RHOJ: variants seen among roughly 807,000 people sequenced by gnomAD.
RHOJ encodes the protein rho-related GTP-binding protein RhoJ.
Under a neutral mutation model 23.4 loss-of-function variants are expected in RHOJ, and 11 were observed. The ratio of observed to expected loss-of-function variants is 0.47; its 90% confidence interval spans 0.30 to 0.78. The LOEUF is 0.78. Ranked by LOEUF, RHOJ falls within the 30% of genes least tolerant of loss-of-function variation. The pLI is 0.08. For missense variants in RHOJ, 254 were observed against 273.4 expected (o/e 0.93, Z 0.50); for synonymous variants, 102 against 102.7 (o/e 0.99, Z 0.04).
At chr14:63,265,615 T>C (rs4473101) in intron 1 of RHOJ, among the ~76,000 whole-genome samples, 4,507 of 152,310 alleles carry the variant, frequency 0.03, 210 homozygotes, top group African/African-American at 0.1. Context: ...TTTGAAGAGA[T>C]TTATTCTGAG....
chr14:63,282,187 C>A (rs1015429363), intron 3 of RHOJ, among the ~76,000 whole-genome samples: 1 of 151,978 alleles, frequency 6.6e-6, no homozygotes, highest in Admixed American at 6.6e-5. Flanking sequence ...TCCCTGCTGC[C>A]AAATATGTGA....
At chr14:63,278,106 A>G (rs1881791168) in intron 2 of RHOJ, among the ~76,000 whole-genome samples, 1 of 152,194 alleles carries the variant, frequency 6.6e-6, no homozygotes, top group Non-Finnish European at 1.5e-5. Context: ...ATTATTGACT[A>G]GAAATGTGGT....
At chr14:63,231,988 A>T (rs1220703793) in intron 1 of RHOJ, among the ~76,000 whole-genome samples, 4 of 152,226 alleles carry the variant, frequency 2.6e-5, no homozygotes, top group African/African-American at 9.6e-5. Context: ...GTGGGAAGTT[A>T]TGGTGCACAC....
At position 63,290,725 on chromosome 14, in the gene RHOJ, GA is replaced by G. The variant is rs368436257; in HGVS notation, c.499-138del. On this transcript the variant is annotated intron_variant, in intron 4 of 4. Transcript: ENST00000316754. ...AGGATAGCAGATACAAATTGAAATG[GA>G]AAAAAAAAAAAAAAGACAAACATAA... is the stretch of plus-strand genomic sequence containing the variant. Among the ~76,000 whole-genome samples the G allele has an allele frequency of 6.8e-3, 861 of 125,738 alleles. 2 individuals are homozygous for G. Among genetic ancestry groups the G allele is most frequent in the African/African-American group, 0.015 (531 of 34,276 alleles). 82.5% of individuals were successfully genotyped at this position (125,738 alleles called of 152,430 possible). A position where few individuals can be genotyped will look rare whatever the true frequency, so the allele number is the denominator to read the frequency against.
At chr14:63,215,140 T>G (rs901673413) in intron 1 of RHOJ, among the ~76,000 whole-genome samples, 5 of 152,070 alleles carry the variant, frequency 3.3e-5, no homozygotes, top group Admixed American at 6.6e-5. Context: ...GACCTAACAT[T>G]TGGGGAAAAG....
chr14:63,227,219 TGG>T (rs1283201225), intron 1 of RHOJ, among the ~76,000 whole-genome samples: 1 of 152,222 alleles, frequency 6.6e-6, no homozygotes, highest in East Asian at 1.9e-4. Flanking sequence ...CCCAAAGTGC[TGG>T]GATTACAGGT....
chr14:63,220,486 GA>G lies in RHOJ; in HGVS notation c.178+15447del, dbSNP rs1474633829. Among the ~76,000 whole-genome samples the G allele has an allele frequency of 3.3e-5, 5 of 149,712 alleles. No individual in the cohort carries two copies. In the East Asian group the frequency reaches 7.8e-4, roughly 23 times the overall value. On this transcript the variant is annotated intron_variant, in intron 1 of 4. Coordinates refer to ENST00000316754, the MANE Select transcript of RHOJ (RefSeq NM_020663.5). Reference sequence around the variant, plus strand: ...AAAATCTAGTTGGTTACGTTAAATAGAAAAAAAACAACAACCAACCAACCAA... The same window carrying G: ...AAAATCTAGTTGGTTACGTTAAATAGAAAAAAACAACAACCAACCAACCAA...
chr14:63,224,383 G>A lies in RHOJ; in HGVS notation c.178+19336G>A, dbSNP rs1410263967. On this transcript the variant is annotated intron_variant, in intron 1 of 4. Transcript: ENST00000316754. ...CTGCTTCATGTACTGTAACTCATGC[G>A]CACGGTCTTGTTCCTTTTATGGGTA... 4.6e-5 allele frequency among the ~76,000 whole-genome samples: 7 copies of A among 152,126 alleles called. No individual in the cohort carries two copies. The East Asian group carries it at 7.7e-4, about 17-fold the overall frequency.
intron 1 of RHOJ, among the ~76,000 whole-genome samples, chr14:63,227,333 G>A (rs982634134): frequency 1.3e-5 from 2 of 152,136 alleles, no homozygotes; most frequent in African/African-American, 2.4e-5. Context: ...AAGGACTCTA[G>A]GAATATTGGT....
At chr14:63,263,285 T>A (rs1895304949) in intron 1 of RHOJ, among the ~76,000 whole-genome samples, 1 of 152,240 alleles carries the variant, frequency 6.6e-6, no homozygotes, top group Non-Finnish European at 1.5e-5. Flanking sequence ...TAGCATTTTA[T>A]GACAATAGCT....
At chr14:63,215,419 C>T (rs1894334030) in intron 1 of RHOJ, among the ~76,000 whole-genome samples, 1 of 152,206 alleles carries the variant, frequency 6.6e-6, no homozygotes, top group South Asian at 2.1e-4. Context: ...AAACAACACT[C>T]TGCATGGCCT....
intron 1 of RHOJ, among the ~76,000 whole-genome samples, chr14:63,213,928 A>T (rs1473746880): frequency 6.6e-6 from 1 of 152,190 alleles, no homozygotes; most frequent in African/African-American, 2.4e-5. Context: ...AGAGAACTTA[A>T]ACTGTAGGCC....
intron 1 of RHOJ, among the ~76,000 whole-genome samples, chr14:63,232,630 A>T (rs1268007943): frequency 6.6e-6 from 1 of 151,602 alleles, no homozygotes; most frequent in Non-Finnish European, 1.5e-5. Context: ...AATAATAAAT[A>T]TGATTTATGC....
intron 1 of RHOJ, among the ~76,000 whole-genome samples, chr14:63,220,107 C>T (rs568182521): frequency 3.9e-5 from 6 of 152,224 alleles, no homozygotes; most frequent in South Asian, 2.1e-4. Context: ...ATTTCTTCTT[C>T]GGTGAATTAA....
At chr14:63,223,389 A>G (rs1364719909) in intron 1 of RHOJ, among the ~76,000 whole-genome samples, 1 of 152,158 alleles carries the variant, frequency 6.6e-6, no homozygotes, top group Non-Finnish European at 1.5e-5. Context: ...TTTACACATG[A>G]CATGTTTAAC....
intron 1 of RHOJ, among the ~76,000 whole-genome samples, chr14:63,207,172 C>T (rs1159337593): frequency 6.6e-6 from 1 of 152,026 alleles, no homozygotes; most frequent in Non-Finnish European, 1.5e-5. Context: ...GCTGGGACTA[C>T]AGGCGCACGC....
At chr14:63,283,089 C>A in intron 3 of RHOJ, 32 bp from the exon 4 acceptor site, 2 of 1,543,738 alleles carry the variant, frequency 1.3e-6, no homozygotes, top group Non-Finnish European at 1.8e-6. Context: ...CCTGAGAAAA[C>A]AAATAAGTTT....
intron 1 of RHOJ, among the ~76,000 whole-genome samples, chr14:63,207,581 T>C (rs917769637): frequency 5.3e-5 from 8 of 152,314 alleles, no homozygotes; most frequent in African/African-American, 1.7e-4. Context: ...AAGCTATAAT[T>C]TAAGTCATAG....
intron 1 of RHOJ, among the ~76,000 whole-genome samples, chr14:63,225,955 G>GA (rs1190127740): frequency 6.6e-6 from 1 of 152,076 alleles, no homozygotes; most frequent in African/African-American, 2.4e-5. Flanking sequence ...TTTTTCTGAA[G>GA]ACATAGTCTT....
Sources: allele counts gnomAD v4.1 joint callset (sites outside exome capture counted in the v4.1 genomes callset), GRCh38; gene constraint gnomAD v4.1.1; transcripts MANE v1.5; gene names NCBI Gene and HGNC (gene_info 2026-07-23, HGNC 2026-07-21).